PDZRN4: variants seen among roughly 807,000 people sequenced by gnomAD.
PDZRN4 encodes the protein PDZ domain containing ring finger 4.
In PDZRN4, 70 loss-of-function variants were observed where a neutral mutation model predicts 99.0. The observed-to-expected ratio is 0.71, with a 90% CI of 0.58 to 0.86. PDZRN4 has a LOEUF of 0.86. PDZRN4 is among the 40% of genes least tolerant of loss of function. The probability of loss-of-function intolerance (pLI) is 0.00; values close to 1 mark genes in which losing one functional copy is unlikely to be tolerated. For synonymous variants in PDZRN4, 551 were observed against 501.6 expected (o/e 1.10, Z -1.32); for missense variants, 1,474 against 1,331.2 (o/e 1.11, Z -1.67).
At chr12:41,340,261 T>C (rs1206083751) in intron 3 of PDZRN4, among the ~76,000 whole-genome samples, 1 of 151,984 alleles carries the variant, frequency 6.6e-6, no homozygotes, top group African/African-American at 2.4e-5. Flanking sequence ...AAGAATGAGA[T>C]TCTGTCATTT....
At chr12:41,281,648 C>T (rs1236273435) in intron 3 of PDZRN4, among the ~76,000 whole-genome samples, 2 of 152,080 alleles carry the variant, frequency 1.3e-5, no homozygotes, top group East Asian at 3.9e-4. Flanking sequence ...TGAAATAAAG[C>T]ATGAAGGCAA....
chr12:41,395,628 G>T (rs541368663), intron 3 of PDZRN4, among the ~76,000 whole-genome samples: 2 of 152,126 alleles, frequency 1.3e-5, no homozygotes, highest in South Asian at 2.1e-4. Context: ...TTTAAAATTT[G>T]GGTCTTTAGT....
intron 3 of PDZRN4, among the ~76,000 whole-genome samples, chr12:41,256,240 AG>A (rs1386284763): frequency 6.6e-6 from 1 of 152,222 alleles, no homozygotes; most frequent in Non-Finnish European, 1.5e-5. Context: ...ATTTCTGAAC[AG>A]GATATTTTAA....
chr12:41,552,551 T>C, intron 5 of PDZRN4, 105 bp from the exon 6 acceptor site: 1 of 767,170 alleles, frequency 1.3e-6, no homozygotes, highest in Non-Finnish European at 2.1e-6. Context: ...TGGGCAATAA[T>C]TATTAATACT....
Position 41,497,650 on chromosome 12 carries a change from G to A in PDZRN4, c.844-8806G>A, listed in dbSNP as rs542398500. 2.4e-4 allele frequency among the ~76,000 whole-genome samples: 36 copies of A among 152,234 alleles called. No individual in the cohort carries two copies. The South Asian group carries it at 6.8e-3, about 29-fold the overall frequency. ...AAAGAACTCCCACAATTAGCCAGGA[G>A]GCAGCCATCTATCTTTTTAAATAGC... On this transcript the variant is annotated intron_variant, in intron 3 of 9. Transcript: ENST00000402685.
chr12:41,232,003 T>A (rs1281590243), intron 3 of PDZRN4, among the ~76,000 whole-genome samples: 2 of 152,044 alleles, frequency 1.3e-5, no homozygotes, highest in African/African-American at 4.8e-5. Context: ...ATTTGAAGAT[T>A]TACTTACATT....
At chr12:41,328,027 A>G (rs4768004) in intron 3 of PDZRN4, among the ~76,000 whole-genome samples, 25,985 of 152,092 alleles carry the variant, frequency 0.17, 2,680 homozygotes, top group Non-Finnish European at 0.23. Flanking sequence ...ATGAAAAAAT[A>G]TGGTATATAT....
At chr12:41,263,766 T>G (rs12319621) in intron 3 of PDZRN4, among the ~76,000 whole-genome samples, 8,325 of 152,210 alleles carry the variant, frequency 0.055, 256 homozygotes, top group Non-Finnish European at 0.061. Context: ...ATCACATGAA[T>G]TTTTGTGCTT....
chr12:41,531,545 G>A (rs1213698081), intron 5 of PDZRN4, among the ~76,000 whole-genome samples: 1 of 152,192 alleles, frequency 6.6e-6, no homozygotes, highest in Non-Finnish European at 1.5e-5. Context: ...GGCCATGGCA[G>A]GCCAGGGTGG....
intron 3 of PDZRN4, among the ~76,000 whole-genome samples, chr12:41,282,585 C>T (rs1951394999): frequency 6.6e-6 from 1 of 152,224 alleles, no homozygotes; most frequent in South Asian, 2.1e-4. Context: ...CTCAGCACCA[C>T]ATTGCACTTA....
chr12:41,328,622 C>T (rs1428114621), intron 3 of PDZRN4, among the ~76,000 whole-genome samples: 1 of 152,118 alleles, frequency 6.6e-6, no homozygotes, highest in Non-Finnish European at 1.5e-5. Flanking sequence ...CTGTTTATAT[C>T]TGTCTGGATC....
chr12:41,361,659 A>C (rs945064041), intron 3 of PDZRN4, among the ~76,000 whole-genome samples: 1 of 152,084 alleles, frequency 6.6e-6, no homozygotes, highest in Non-Finnish European at 1.5e-5. Flanking sequence ...CAAGGAATAC[A>C]CAACTGAAGT....
intron 3 of PDZRN4, among the ~76,000 whole-genome samples, chr12:41,381,380 G>A (rs1952124873): frequency 6.6e-6 from 1 of 151,100 alleles, no homozygotes; most frequent in Non-Finnish European, 1.5e-5. Context: ...TTTGCTTGAT[G>A]GTATGCCTTA....
chr12:41,403,327 A>G (rs1389986092), intron 3 of PDZRN4, among the ~76,000 whole-genome samples: 1 of 152,204 alleles, frequency 6.6e-6, no homozygotes, highest in Non-Finnish European at 1.5e-5. Flanking sequence ...ATTGTAAAAC[A>G]TAGCTGTGAG....
rs190638386 is a variant in PDZRN4 at position 41,354,142 on chromosome 12, G to A, written c.844-152314G>A. 7.2e-5 allele frequency among the ~76,000 whole-genome samples: 11 copies of A among 152,192 alleles called. No homozygotes were observed. In the East Asian group the frequency reaches 1.9e-3, roughly 27 times the overall value. ...AGACGCAACAAATATATAATTAGGC[G>A]ATAGCAATATGAGATTGAGCACAGA... On this transcript the variant is annotated intron_variant, in intron 3 of 9. Transcript: ENST00000402685.
At chr12:41,307,424 G>A (rs981696982) in intron 3 of PDZRN4, among the ~76,000 whole-genome samples, 1 of 152,040 alleles carries the variant, frequency 6.6e-6, no homozygotes, top group Non-Finnish European at 1.5e-5. Flanking sequence ...CTTCTTAAAA[G>A]GGACTAATCC....
intron 3 of PDZRN4, among the ~76,000 whole-genome samples, chr12:41,424,017 CT>C (rs1235950947): frequency 6.6e-6 from 1 of 152,128 alleles, no homozygotes; most frequent in African/African-American, 2.4e-5. Context: ...CTCCATTACT[CT>C]TGCCATGTTG....
At chr12:41,365,592 T>C (rs1021187380) in intron 3 of PDZRN4, among the ~76,000 whole-genome samples, 15 of 152,212 alleles carry the variant, frequency 9.9e-5, no homozygotes, top group Admixed American at 8.5e-4. Context: ...TGTTGACGGA[T>C]AGCAAGTAGC....
chr12:41,261,219 C>T (rs1951237390), intron 3 of PDZRN4, among the ~76,000 whole-genome samples: 2 of 151,968 alleles, frequency 1.3e-5, no homozygotes, highest in African/African-American at 4.8e-5. Flanking sequence ...AAAAAAACTA[C>T]CTTTCGTTGC....
Sources: allele counts gnomAD v4.1 joint callset (sites outside exome capture counted in the v4.1 genomes callset), GRCh38; gene constraint gnomAD v4.1.1; transcripts MANE v1.5; gene names NCBI Gene and HGNC (gene_info 2026-07-23, HGNC 2026-07-21).